Variants in ERBB4 observed in about 807,000 individuals in gnomAD.
The protein encoded by ERBB4 is erb-b2 receptor tyrosine kinase 4.
ERBB4 carries 42 observed loss-of-function variants against 158.0 expected under a neutral mutation model. That is an observed-to-expected ratio of 0.27 (90% CI 0.21 to 0.34). The LOEUF (loss-of-function observed/expected upper bound fraction) is 0.34. Ranked by LOEUF, ERBB4 falls within the 10% of genes least tolerant of loss-of-function variation. The pLI is 1.00. For missense variants in ERBB4, 1,333 were observed against 1,624.1 expected (o/e 0.82, Z 3.08); for synonymous variants, 583 against 558.7 (o/e 1.04, Z -0.61).
At chr2:212,161,612 A>C (rs1014396368) in intron 1 of ERBB4, among the ~76,000 whole-genome samples, 1 of 151,784 alleles carries the variant, frequency 6.6e-6, no homozygotes, top group Non-Finnish European at 1.5e-5. Flanking sequence ...ATCAACTTCT[A>C]CTCCTTTTTC....
chr2:211,764,887 A>G (rs796825909), intron 4 of ERBB4, among the ~76,000 whole-genome samples: 4 of 152,330 alleles, frequency 2.6e-5, no homozygotes, highest in African/African-American at 9.6e-5. Context: ...CATTAGGCAA[A>G]GATGTTGAAT....
chr2:211,641,400 G>C (rs1344718239), intron 16 of ERBB4, among the ~76,000 whole-genome samples: 2 of 151,822 alleles, frequency 1.3e-5, no homozygotes, highest in Non-Finnish European at 2.9e-5. Flanking sequence ...ATCATCATTT[G>C]CAAGAGGAAC....
chr2:211,489,274 T>C (rs988584003), intron 20 of ERBB4, among the ~76,000 whole-genome samples: 1 of 152,050 alleles, frequency 6.6e-6, no homozygotes, highest in African/African-American at 2.4e-5. Context: ...CAGTTCATTA[T>C]GATGACTATA....
At chr2:211,612,822 A>G (rs768542240) in intron 19 of ERBB4, among the ~76,000 whole-genome samples, 20 of 152,066 alleles carry the variant, frequency 1.3e-4, no homozygotes, top group Non-Finnish European at 2.6e-4. Flanking sequence ...AAAGAGTATA[A>G]AAAGAAGAGG....
At chr2:212,333,404 C>T (rs2088276132) in intron 1 of ERBB4, among the ~76,000 whole-genome samples, 1 of 151,230 alleles carries the variant, frequency 6.6e-6, no homozygotes, top group South Asian at 2.1e-4. Flanking sequence ...TCAGGCTGGA[C>T]ATGGTGGCTA....
intron 1 of ERBB4, among the ~76,000 whole-genome samples, chr2:212,238,150 G>A (rs2083947743): frequency 1.3e-5 from 2 of 152,216 alleles, no homozygotes; most frequent in Non-Finnish European, 2.9e-5. Flanking sequence ...GCAGTTAGCT[G>A]GGTGTCTGCC....
At chr2:212,284,006 A>T (rs1437591298) in intron 1 of ERBB4, among the ~76,000 whole-genome samples, 2 of 151,358 alleles carry the variant, frequency 1.3e-5, no homozygotes, top group African/African-American at 4.9e-5. Context: ...CTTCAAATAA[A>T]CTTCCAAAAT....
chr2:211,968,967 C>T (rs1469864633), intron 2 of ERBB4, among the ~76,000 whole-genome samples: 3 of 151,888 alleles, frequency 2.0e-5, no homozygotes, highest in South Asian at 4.1e-4. Context: ...TGTACATTTT[C>T]TGAAAAATGA....
At chr2:211,510,401 C>T (rs556460799) in intron 20 of ERBB4, among the ~76,000 whole-genome samples, 35 of 152,116 alleles carry the variant, frequency 2.3e-4, no homozygotes, top group African/African-American at 8.2e-4. Context: ...AAACTAGAAG[C>T]CCAAACCTCA....
In ERBB4 at chr2:211,406,914, CAACAAAA is replaced by C. The variant is rs572656650; in HGVS notation, c.3135+13520_3135+13526del. ...TGGGCAACATGGCAAAAACCCACCTCAACAAAAAATAAAAAATTAGCTGGGTTTGATG... is the reference window on the plus strand; with the variant it reads ...TGGGCAACATGGCAAAAACCCACCTCAATAAAAAATTAGCTGGGTTTGATG... On this transcript the variant is annotated intron_variant, in intron 25 of 27. Transcript: ENST00000342788. Among the ~76,000 whole-genome samples the C allele has an allele frequency of 7.7e-3, 1,176 of 151,948 alleles. 4 individuals are homozygous for C. The highest frequency in any genetic ancestry group is 0.012 in the Non-Finnish European group (830 of 67,958).
intron 3 of ERBB4, among the ~76,000 whole-genome samples, chr2:211,911,827 T>G (rs147874020): frequency 6.6e-6 from 1 of 151,492 alleles, no homozygotes. Context: ...TTTTCTTTTT[T>G]TTTTTTTTGA....
At chr2:211,386,288 TTGG>T (rs1439143961) in intron 27 of ERBB4, among the ~76,000 whole-genome samples, 2 of 152,232 alleles carry the variant, frequency 1.3e-5, no homozygotes, top group Admixed American at 1.3e-4. Flanking sequence ...TTTTCAAATC[TTGG>T]TGGTATGCTT....
Position 211,947,573 on chromosome 2 carries a change from T to C in ERBB4, c.278A>G (p.Gln93Arg), listed in dbSNP as rs771461282. The change falls in exon 3 of 28, where the codon CAG becomes CGG. Residue 93 changes from glutamine (Q) to arginine (R), a missense_variant. Physicochemically the swap from Gln to Arg is conservative, Grantham distance 43. Coordinates refer to ENST00000342788, the MANE Select transcript of ERBB4 (RefSeq NM_005235.3). ...ATTCTCCAGAGGCAGGTAACGAAAC[T>C]GATTAAGAGCCACTAACACGTAGCC... Reference protein sequence around the residue: ...VTGYVLVALNQFRYLPLENLR... With the variant: ...VTGYVLVALNRFRYLPLENLR... The C allele has an allele frequency of 6.2e-7, 1 of 1,613,836 alleles. No individual in the cohort carries two copies. Among genetic ancestry groups the C allele is most frequent in the Admixed American group, 1.7e-5 (1 of 59,980 alleles).
At chr2:212,262,579 C>T (rs567206013) in intron 1 of ERBB4, among the ~76,000 whole-genome samples, 2 of 152,178 alleles carry the variant, frequency 1.3e-5, no homozygotes, top group South Asian at 4.1e-4. Flanking sequence ...CCTTCCAATG[C>T]TTTGAATAAA....
chr2:212,042,611 C>T (rs1206427026), intron 2 of ERBB4, among the ~76,000 whole-genome samples: 1 of 152,098 alleles, frequency 6.6e-6, no homozygotes, highest in Non-Finnish European at 1.5e-5. Flanking sequence ...ATTTAATCTA[C>T]ATAACATTTC....
At chr2:212,025,173 ACAG>A in intron 2 of ERBB4, among the ~76,000 whole-genome samples, 1 of 151,846 alleles carries the variant, frequency 6.6e-6, no homozygotes, top group South Asian at 2.1e-4. Flanking sequence ...AATAGGATTT[ACAG>A]AGTAGAATGA....
At chr2:212,181,289 A>T (rs1294162772) in intron 1 of ERBB4, among the ~76,000 whole-genome samples, 1 of 151,680 alleles carries the variant, frequency 6.6e-6, no homozygotes, top group Non-Finnish European at 1.5e-5. Context: ...AATAGCCATC[A>T]CAGAGATTTT....
chr2:211,599,536 T>TGTGTGTGTGTGTGTGTGTG (rs1559336933), intron 19 of ERBB4, among the ~76,000 whole-genome samples: 14 of 150,482 alleles, frequency 9.3e-5, no homozygotes, highest in South Asian at 2.1e-4. Context: ...TGTGTGTGTG[T>TGTGTGTGTGTGTGTGTGTG]TTCCTGTCAA....
intron 1 of ERBB4, among the ~76,000 whole-genome samples, chr2:212,240,664 A>AAAAAAAAAAAAAAC (rs1559823336): frequency 6.8e-6 from 1 of 148,134 alleles, no homozygotes; most frequent in African/African-American, 2.5e-5. Flanking sequence ...AAAAAAAAAA[A>AAAAAAAAAAAAAAC]AAACAGAAAA....
Sources: allele counts gnomAD v4.1 joint callset (sites outside exome capture counted in the v4.1 genomes callset), GRCh38; gene constraint gnomAD v4.1.1; transcripts MANE v1.5; gene names NCBI Gene and HGNC (gene_info 2026-07-23, HGNC 2026-07-21).